Variants in SNX3 observed in about 807,000 individuals in gnomAD.
SNX3 encodes sorting nexin 3.
In SNX3, 5 loss-of-function variants were observed where a neutral mutation model predicts 17.7. That is an observed-to-expected ratio of 0.28 (90% CI 0.15 to 0.59). The LOEUF (loss-of-function observed/expected upper bound fraction) is 0.59. SNX3 is among the 20% of genes least tolerant of loss of function. The pLI, the probability that SNX3 is intolerant of heterozygous loss-of-function variation, is 0.88. For synonymous variants in SNX3, 91 were observed against 76.5 expected, an observed-to-expected ratio of 1.19 and a Z score of -0.99; for missense variants, 132 against 206.8, an observed-to-expected ratio of 0.64 and a Z score of 2.22.
intron 1 of SNX3, among the ~76,000 whole-genome samples, chr6:108,235,912 T>G (rs1434538682): frequency 6.6e-6 from 1 of 152,138 alleles, no homozygotes; most frequent in Non-Finnish European, 1.5e-5. Flanking sequence ...TATATAGACT[T>G]GTTATTTATT....
chr6:108,239,673 A>G (rs1388484664), intron 1 of SNX3, among the ~76,000 whole-genome samples: 5 of 152,214 alleles, frequency 3.3e-5, no homozygotes, highest in Non-Finnish European at 7.3e-5. Flanking sequence ...TCAAGGTCAC[A>G]TGTCCATTAA....
intron 1 of SNX3, among the ~76,000 whole-genome samples, chr6:108,251,423 A>G (rs148054784): frequency 1.3e-4 from 20 of 152,296 alleles, no homozygotes; most frequent in South Asian, 2.1e-4. Context: ...CCTTCTTCAC[A>G]TGGCCACCTG....
intron 1 of SNX3, among the ~76,000 whole-genome samples, chr6:108,239,453 T>C (rs934975035): frequency 1.3e-5 from 2 of 152,252 alleles, no homozygotes; most frequent in Middle Eastern, 3.4e-3. Flanking sequence ...CAAGACCCTG[T>C]CTCTTAAAAG....
intron 1 of SNX3, among the ~76,000 whole-genome samples, chr6:108,250,264 G>A (rs1290265365): frequency 6.6e-6 from 1 of 152,108 alleles, no homozygotes; most frequent in Admixed American, 6.6e-5. Context: ...TTATTTCAAT[G>A]TTACATGAGC....
chr6:108,245,268 T>C (rs891191969), intron 1 of SNX3, among the ~76,000 whole-genome samples: 6 of 152,214 alleles, frequency 3.9e-5, no homozygotes, highest in East Asian at 1.9e-4. Context: ...GTTTCATCCA[T>C]GTCCCCGCAA....
chr6:108,249,892 T>C (rs911590306), intron 1 of SNX3, among the ~76,000 whole-genome samples: 3 of 152,198 alleles, frequency 2.0e-5, no homozygotes, highest in Non-Finnish European at 4.4e-5. Context: ...CCTAAATGAA[T>C]GCTTTTTCCA....
At chr6:108,256,255 G>A (rs964389320) in intron 1 of SNX3, among the ~76,000 whole-genome samples, 2 of 151,996 alleles carry the variant, frequency 1.3e-5, no homozygotes, top group Non-Finnish European at 2.9e-5. Context: ...ATACACAAAG[G>A]TTACTTGGTT....
At chr6:108,229,259 C>CAAA (rs778617695) in intron 1 of SNX3, among the ~76,000 whole-genome samples, 6 of 68,742 alleles carry the variant, frequency 8.7e-5, no homozygotes, top group Admixed American at 3.1e-4. Flanking sequence ...GACTCCACCT[C>CAAA]AAAAAAAAAA....
At chr6:108,231,190 C>G (rs921846370) in intron 1 of SNX3, among the ~76,000 whole-genome samples, 2 of 151,862 alleles carry the variant, frequency 1.3e-5, no homozygotes, top group African/African-American at 4.8e-5. Context: ...CTGCAACCTC[C>G]GCCTCCTGCC....
At chr6:108,242,070 G>T (rs1331869104) in intron 1 of SNX3, among the ~76,000 whole-genome samples, 3 of 152,238 alleles carry the variant, frequency 2.0e-5, no homozygotes, top group African/African-American at 7.2e-5. Context: ...AACTGAAGGG[G>T]ATCAACAGTG....
Position 108,223,090 on chromosome 6 carries a change from A to C in SNX3, c.163-45T>G, listed in dbSNP as rs1302726757. The C allele has an allele frequency of 4.7e-6, 5 of 1,055,214 alleles. No homozygotes were observed. In the Admixed American group the frequency reaches 1.1e-4, roughly 23 times the overall value. 65.4% of individuals were successfully genotyped at this position (1,055,214 alleles called of 1,614,324 possible). ...TCCTAAATTGAAGCACATTAAGGAA[A>C]CTTCAAAAAAATGGGGGGACGGGTA... On this transcript the variant is annotated intron_variant, in intron 1 of 3. Transcript: ENST00000230085.
rs1487826824 is a variant in SNX3, at chr6:108,252,081, AT to A, written c.162+8678del. ...GACTGTCTCAAAAATAAATAAATAA[AT>A]AAAACAAACAAACAAACAAAAAAAT... is the stretch of plus-strand genomic sequence containing the variant. On this transcript the variant is annotated intron_variant, in intron 1 of 3. Coordinates refer to ENST00000230085, the MANE Select transcript of SNX3 (RefSeq NM_003795.6). 11 of 142,578 alleles carry A rather than the reference AT, an allele frequency of 7.7e-5. No individual in the cohort carries two copies. In the South Asian group the frequency reaches 9.2e-4, roughly 12 times the overall value. The allele number at this position is 142,578 out of a possible 1,614,324, so 8.8% of individuals were successfully genotyped here. A position where few individuals can be genotyped will look rare whatever the true frequency, so the allele number is the denominator to read the frequency against.
intron 1 of SNX3, among the ~76,000 whole-genome samples, chr6:108,229,580 A>G (rs971801421): frequency 6.6e-6 from 1 of 151,578 alleles, no homozygotes; most frequent in African/African-American, 2.4e-5. Context: ...GCCAGTCAGG[A>G]CTCTTTTTCG....
At chr6:108,244,369 G>C (rs754231381) in intron 1 of SNX3, among the ~76,000 whole-genome samples, 1 of 152,122 alleles carries the variant, frequency 6.6e-6, no homozygotes, top group Admixed American at 6.5e-5. Flanking sequence ...TACCCAGACT[G>C]GTTTTTAACT....
At chr6:108,214,354 G>A in intron 3 of SNX3, 144 bp downstream of exon 3, 2 of 688,850 alleles carry the variant, frequency 2.9e-6, no homozygotes, top group Non-Finnish European at 4.7e-6. Context: ...TATTCAACTT[G>A]TCAGATACTT....
chr6:108,228,574 G>A (rs1337969462), intron 1 of SNX3, among the ~76,000 whole-genome samples: 1 of 152,036 alleles, frequency 6.6e-6, no homozygotes, highest in Non-Finnish European at 1.5e-5. Context: ...TGGGTATGGT[G>A]GCACATGCCT....
At chr6:108,226,137 T>C (rs1038669631) in intron 1 of SNX3, among the ~76,000 whole-genome samples, 1 of 151,548 alleles carries the variant, frequency 6.6e-6, no homozygotes, top group African/African-American at 2.4e-5. Context: ...TAACCCAGGC[T>C]GGAGAGCAGA....
chr6:108,254,478 C>T (rs1046781096), intron 1 of SNX3, among the ~76,000 whole-genome samples: 3 of 152,050 alleles, frequency 2.0e-5, no homozygotes, highest in African/African-American at 4.8e-5. Flanking sequence ...AACAAAAGTA[C>T]GGGCTCTGAA....
intron 1 of SNX3, among the ~76,000 whole-genome samples, chr6:108,254,420 G>A (rs1324684172): frequency 6.6e-6 from 1 of 152,104 alleles, no homozygotes; most frequent in Non-Finnish European, 1.5e-5. Context: ...AGCCCAGATT[G>A]CACCACCGTG....
Sources: allele counts gnomAD v4.1 joint callset (sites outside exome capture counted in the v4.1 genomes callset), GRCh38; gene constraint gnomAD v4.1.1; transcripts MANE v1.5; gene names NCBI Gene and HGNC (gene_info 2026-07-23, HGNC 2026-07-21).